The following KIAA1671 variants were observed in gnomAD, a reference collection of about 807,000 sequenced individuals.
KIAA1671 encodes the protein KIAA1671.
Under a neutral mutation model 131.2 loss-of-function variants are expected in KIAA1671, and 52 were observed. That is an observed-to-expected ratio of 0.40 (90% CI 0.32 to 0.50). The LOEUF is 0.50. KIAA1671 is among the 20% of genes least tolerant of loss of function. The pLI, the probability that KIAA1671 is intolerant of heterozygous loss-of-function variation, is 0.73. For synonymous variants in KIAA1671, 1,003 were observed against 961.6 expected (o/e 1.04, Z -0.80); for missense variants, 2,360 against 2,364.2 (o/e 1.00, Z 0.04).
At chr22:25,000,715 T>A (rs1924415396) in intron 1 of KIAA1671, among the ~76,000 whole-genome samples, 1 of 151,578 alleles carries the variant, frequency 6.6e-6, no homozygotes, top group African/African-American at 2.4e-5. Flanking sequence ...TGGGGTTTCA[T>A]CATGTTGGCC....
At chr22:25,131,071 C>T (rs6004446) in intron 6 of KIAA1671, among the ~76,000 whole-genome samples, 289 of 152,344 alleles carry the variant, frequency 1.9e-3, no homozygotes, top group African/African-American at 6.4e-3. Flanking sequence ...AATGAGGAGA[C>T]TTTCAAACAG....
At chr22:25,125,189 G>A (rs973138853) in intron 6 of KIAA1671, among the ~76,000 whole-genome samples, 2 of 152,124 alleles carry the variant, frequency 1.3e-5, no homozygotes, top group South Asian at 4.1e-4. Context: ...AATTTCAGAG[G>A]AAAAAACTGG....
intron 6 of KIAA1671, among the ~76,000 whole-genome samples, chr22:25,089,263 T>G (rs1929894209): frequency 6.8e-6 from 1 of 147,234 alleles, no homozygotes; most frequent in African/African-American, 2.6e-5. Context: ...GTGTGTGTGT[T>G]TAATTTTTTT....
chr22:25,157,232 A>G (rs1933273393), intron 6 of KIAA1671, among the ~76,000 whole-genome samples: 1 of 152,252 alleles, frequency 6.6e-6, no homozygotes, highest in Admixed American at 6.5e-5. Flanking sequence ...TAGAATAAAA[A>G]AAAGTCATCT....
chr22:25,143,668 G>A (rs1350932630), intron 6 of KIAA1671, among the ~76,000 whole-genome samples: 1 of 152,068 alleles, frequency 6.6e-6, no homozygotes, highest in Non-Finnish European at 1.5e-5. Flanking sequence ...GCCCCTAACT[G>A]TCCTCTGCCC....
Position 24,983,633 on chromosome 22 carries a change from C to T in KIAA1671, c.-208+30861C>T, listed in dbSNP as rs111631582. ...GGGGGGGCGGGGGTGGTTCAAGGTG[C>T]GGTTGTTTGAAGCAGAGGGAACAGC... On this transcript the variant is annotated intron_variant, in intron 1 of 12. Coordinates refer to ENST00000358431, the MANE Select transcript of KIAA1671 (RefSeq NM_001145206.2). 9.2e-3 allele frequency among the ~76,000 whole-genome samples: 1,193 copies of T among 129,488 alleles called. 20 individuals are homozygous for T. The highest frequency in any genetic ancestry group is 0.031 in the African/African-American group (1,062 of 34,470). The allele number at this position is 129,488 out of a possible 152,430, so 84.9% of individuals were successfully genotyped here.
intron 6 of KIAA1671, among the ~76,000 whole-genome samples, chr22:25,161,332 G>A (rs1933437016): frequency 6.6e-6 from 1 of 152,254 alleles, no homozygotes; most frequent in South Asian, 2.1e-4. Flanking sequence ...TGGGGAGGAT[G>A]CCCACGTAGA....
intron 11 of KIAA1671, among the ~76,000 whole-genome samples, chr22:25,188,486 G>GTGTGTT (rs1934553840): frequency 3.4e-5 from 5 of 145,666 alleles, no homozygotes; most frequent in Non-Finnish European, 7.4e-5. Context: ...GTGTGTGTGT[G>GTGTGTT]TGTGTGTAAA....
intron 4 of KIAA1671, among the ~76,000 whole-genome samples, chr22:25,034,543 C>T (rs1045769522): frequency 6.6e-6 from 1 of 151,720 alleles, no homozygotes; most frequent in Non-Finnish European, 1.5e-5. Context: ...TAGTTCATTC[C>T]TTTCTGTTGC....
chr22:24,974,685 CTTTTTTTTTTTT>C (rs34171375), intron 1 of KIAA1671, among the ~76,000 whole-genome samples: 1 of 81,256 alleles, frequency 1.2e-5, no homozygotes, highest in Middle Eastern at 0.012. Flanking sequence ...CAGCTCACCT[CTTTTTTTTTTTT>C]TTTTTTTTTT....
chr22:25,039,193 C>T lies in KIAA1671; in HGVS notation c.2063C>T (p.Thr688Ile). The T allele has an allele frequency of 6.4e-7, 1 of 1,552,138 alleles. No individual in the cohort carries two copies. The highest frequency in any genetic ancestry group is 8.7e-7 in the Non-Finnish European group (1 of 1,147,126). ...NPETEKLGPT[T>I]LLNGELRPYH... is the part of the protein sequence containing the mutation. ...GAGACGGAGAAATTGGGACCAACCA[C>T]CCTTTTGAATGGTGAACTGAGACCG... The change falls in exon 5 of 13, where the codon ACC becomes ATC. Residue 688 changes from threonine to isoleucine, a missense_variant. By Grantham distance (89) the Thr-to-Ile change is moderately conservative. Transcript: ENST00000358431.
chr22:25,045,871 G>C lies in KIAA1671; in HGVS notation c.4396-3359G>C, dbSNP rs952368718. ...CTCCCAAACTGCTAGAATTACAGGC[G>C]TGAGCCACTGCACCCGGCCTCCCCT... On this transcript the variant is annotated intron_variant, in intron 5 of 12. Coordinates refer to ENST00000358431, the MANE Select transcript of KIAA1671 (RefSeq NM_001145206.2). Among the ~76,000 whole-genome samples the C allele has an allele frequency of 5.9e-5, 9 of 152,124 alleles. 1 individual carries two copies. In the South Asian group the frequency reaches 6.2e-4, roughly 11 times the overall value.
chr22:25,067,876 A>G (rs1450653912), intron 6 of KIAA1671, among the ~76,000 whole-genome samples: 1 of 152,172 alleles, frequency 6.6e-6, no homozygotes, highest in Non-Finnish European at 1.5e-5. Flanking sequence ...TGCATGCCCC[A>G]CTTCTATTAA....
At chr22:25,187,183 G>A (rs549589527) in intron 11 of KIAA1671, among the ~76,000 whole-genome samples, 2 of 152,286 alleles carry the variant, frequency 1.3e-5, no homozygotes, top group South Asian at 4.2e-4. Flanking sequence ...CAGGGCCACG[G>A]GTCTCAGGAG....
At position 25,093,800 on chromosome 22, in the gene KIAA1671, C is replaced by CTCTG. The variant is rs1568951361; in HGVS notation, c.4530+44439_4530+44440insGTCT. Among the ~76,000 whole-genome samples, 7 of 131,806 alleles carry CTCTG rather than the reference C, an allele frequency of 5.3e-5. 1 individual carries two copies. In the South Asian group the frequency reaches 1.0e-3, roughly 19 times the overall value. The allele number at this position is 131,806 out of a possible 152,430, so 86.5% of individuals were successfully genotyped here. A position where few individuals can be genotyped will look rare whatever the true frequency, so the allele number is the denominator to read the frequency against. ...TCTCTCTCTCTCTCTCTCTCTCTCT[C>CTCTG]TCTCTCTCTCTGTCTCTCTCTCTTT... is the stretch of plus-strand genomic sequence containing the variant. On this transcript the variant is annotated intron_variant, in intron 6 of 12. Transcript: ENST00000358431.
intron 1 of KIAA1671, among the ~76,000 whole-genome samples, chr22:24,987,283 G>T (rs1284132376): frequency 6.6e-6 from 1 of 150,956 alleles, no homozygotes; most frequent in Non-Finnish European, 1.5e-5. Context: ...TCATTCTCCT[G>T]TCTCAGCCTC....
chr22:25,055,440 G>A (rs1241776870), intron 6 of KIAA1671: 1 of 149,820 alleles, frequency 6.7e-6, no homozygotes, highest in African/African-American at 2.4e-5. Context: ...AACAAGTTGT[G>A]GGCTGGGCGC....
chr22:25,178,295 G>A (rs1279360165), intron 9 of KIAA1671, among the ~76,000 whole-genome samples: 1 of 152,188 alleles, frequency 6.6e-6, no homozygotes, highest in Non-Finnish European at 1.5e-5. Context: ...CCCTCTGGGT[G>A]CCAAGTGGGA....
chr22:24,968,424 A>C (rs997742801), intron 1 of KIAA1671, among the ~76,000 whole-genome samples: 10 of 152,254 alleles, frequency 6.6e-5, no homozygotes, highest in Non-Finnish European at 1.2e-4. Flanking sequence ...TGCAGCCTAT[A>C]GTAGAAGACG....
Sources: allele counts gnomAD v4.1 joint callset (sites outside exome capture counted in the v4.1 genomes callset), GRCh38; gene constraint gnomAD v4.1.1; transcripts MANE v1.5; gene names NCBI Gene and HGNC (gene_info 2026-07-23, HGNC 2026-07-21).